Variants in RFX4 observed in about 807,000 individuals in gnomAD.
RFX4 encodes regulatory factor X4, also known as transcription factor RFX4.
A neutral mutation model predicts 95.0 loss-of-function variants in RFX4; 10 were observed. The ratio of observed to expected loss-of-function variants is 0.11; its 90% confidence interval spans 0.06 to 0.18. The LOEUF (loss-of-function observed/expected upper bound fraction) is 0.18, where lower values mean the gene tolerates loss of function less well. RFX4 is among the 10% of genes least tolerant of loss of function. RFX4 has a pLI of 1.00. For missense variants in RFX4, 640 were observed against 922.0 expected, an observed-to-expected ratio of 0.69 and a Z score of 3.96; for synonymous variants, 321 against 340.7, an observed-to-expected ratio of 0.94 and a Z score of 0.64.
intron 3 of RFX4, among the ~76,000 whole-genome samples, chr12:106,641,353 A>G (rs1256583157): frequency 2.0e-5 from 3 of 152,158 alleles, no homozygotes; most frequent in Non-Finnish European, 4.4e-5. Flanking sequence ...TGGGGATAGC[A>G]ATAGTGTCTA....
At chr12:106,662,226 G>C (rs2041089433) in intron 4 of RFX4, 2 of 391,426 alleles carry the variant, frequency 5.1e-6, no homozygotes, top group Non-Finnish European at 1.0e-5. Context: ...CCAGCATTTG[G>C]TGTTGTCAGT....
intron 3 of RFX4, among the ~76,000 whole-genome samples, chr12:106,650,658 G>T (rs1250751945): frequency 6.6e-6 from 1 of 152,090 alleles, no homozygotes; most frequent in Non-Finnish European, 1.5e-5. Flanking sequence ...AACCGGGGAG[G>T]CGGAGGTTGC....
At chr12:106,647,732 T>G (rs1315006249) in intron 3 of RFX4, among the ~76,000 whole-genome samples, 1 of 152,188 alleles carries the variant, frequency 6.6e-6, no homozygotes, top group Non-Finnish European at 1.5e-5. Flanking sequence ...TCCACAATAT[T>G]GTAAAATAAT....
Position 106,756,243 on chromosome 12 carries a change from A to G in RFX4, c.1936-4954A>G, listed in dbSNP as rs114040287. 1.1e-3 allele frequency among the ~76,000 whole-genome samples: 161 copies of G among 152,320 alleles called. 1 individual carries two copies. The highest frequency in any genetic ancestry group is 3.5e-3 in the African/African-American group (147 of 41,574). On this transcript the variant is annotated intron_variant, in intron 17 of 17. Transcript: ENST00000392842. ...TCCAGGTTCCCCATTCCCAGGCCCA[A>G]CCAAAAGGAGAAAATAAACCAGACC...
chr12:106,648,627 T>G (rs7954033), intron 3 of RFX4, among the ~76,000 whole-genome samples: 4,456 of 107,068 alleles, frequency 0.042, 167 homozygotes, highest in African/African-American at 0.12. Flanking sequence ...TCCTGTGGGG[T>G]TTTTTTTTTT....
chr12:106,760,485 C>T (rs1431155229), intron 17 of RFX4, among the ~76,000 whole-genome samples: 2 of 152,172 alleles, frequency 1.3e-5, no homozygotes, highest in East Asian at 1.9e-4. Flanking sequence ...CTCCCCTCCC[C>T]GCCCCTCTCA....
intron 8 of RFX4, among the ~76,000 whole-genome samples, chr12:106,697,445 CTT>C (rs35656382): frequency 9.0e-5 from 13 of 145,200 alleles, no homozygotes; most frequent in Non-Finnish European, 1.1e-4. Flanking sequence ...TTTCATTTAC[CTT>C]TTTTTTTTTT....
At chr12:106,614,539 C>T (rs567271998) in intron 2 of RFX4, among the ~76,000 whole-genome samples, 43 of 144,900 alleles carry the variant, frequency 3.0e-4, no homozygotes, top group African/African-American at 9.2e-4. Flanking sequence ...GAAGGAGTAT[C>T]GCTCTATTGC....
intron 2 of RFX4, among the ~76,000 whole-genome samples, chr12:106,638,872 C>A (rs1211267089): frequency 6.6e-6 from 1 of 152,142 alleles, no homozygotes. Flanking sequence ...CATGACTGAT[C>A]ACTTCCTAAA....
intron 7 of RFX4, among the ~76,000 whole-genome samples, chr12:106,694,567 G>A (rs751861725): frequency 2.3e-4 from 35 of 152,322 alleles, no homozygotes; most frequent in Non-Finnish European, 4.3e-4. Context: ...CCACAAGAGA[G>A]ACTGTGGAAG....
At chr12:106,596,855 G>A (rs2039627484) in intron 1 of RFX4, among the ~76,000 whole-genome samples, 2 of 152,186 alleles carry the variant, frequency 1.3e-5, no homozygotes, top group Non-Finnish European at 2.9e-5. Flanking sequence ...CATAGTTAGT[G>A]CTTAATAAAT....
chr12:106,609,985 CTTG>C (rs1172412619), intron 2 of RFX4, among the ~76,000 whole-genome samples: 1 of 152,110 alleles, frequency 6.6e-6, no homozygotes, highest in African/African-American at 2.4e-5. Context: ...ATTCATTCAT[CTTG>C]TTGTCTCTAG....
At position 106,583,067 on chromosome 12, in the gene RFX4, C is replaced by T. The variant is rs1473942038; in HGVS notation, c.-254C>T. ...TACTGAGTGTCCCCTTGCTCGCTCG[C>T]TTTTTCTCTCTCCCCCTTCTCCGAG... On this transcript the variant is annotated 5_prime_UTR_variant, in exon 1 of 18. Coordinates refer to ENST00000392842, the MANE Select transcript of RFX4 (RefSeq NM_213594.3). The T allele has an allele frequency of 1.1e-5, 5 of 436,522 alleles. No homozygotes were observed. The highest frequency in any genetic ancestry group is 1.0e-4 in the African/African-American group (5 of 48,634). The allele number at this position is 436,522 out of a possible 1,614,324, so 27.0% of individuals were successfully genotyped here. A position where few individuals can be genotyped will look rare whatever the true frequency, so the allele number is the denominator to read the frequency against.
intron 3 of RFX4, 50 bp from the exon 4 acceptor site, chr12:106,654,174 TCTTG>T (rs1252285506): frequency 6.2e-7 from 1 of 1,611,912 alleles, no homozygotes; most frequent in Non-Finnish European, 8.5e-7. Flanking sequence ...AACAGACCGT[TCTTG>T]CTTGGGGAAG....
intron 1 of RFX4, among the ~76,000 whole-genome samples, chr12:106,590,824 A>G (rs1200231046): frequency 1.3e-5 from 2 of 152,046 alleles, no homozygotes; most frequent in East Asian, 1.9e-4. Context: ...GTGCATGCCT[A>G]TAGTTCCACC....
chr12:106,652,612 G>T (rs1228112156), intron 3 of RFX4, among the ~76,000 whole-genome samples: 1 of 152,182 alleles, frequency 6.6e-6, no homozygotes, highest in Non-Finnish European at 1.5e-5. Context: ...CATCCCAGAA[G>T]CGCGGGAAGT....
chr12:106,611,507 G>A lies in RFX4; in HGVS notation c.130+2624G>A, dbSNP rs144830105. Among the ~76,000 whole-genome samples the A allele has an allele frequency of 6.1e-3, 913 of 149,886 alleles. 9 individuals are homozygous for A. The highest frequency in any genetic ancestry group is 0.021 in the African/African-American group (872 of 41,004). On this transcript the variant is annotated intron_variant, in intron 2 of 17. Transcript: ENST00000392842. ...GTATCTGGTATTAGGTAAGAGTCCAGCTTTATTCTTTTTTTTTTTTTCAGA... is the reference window on the plus strand; with the variant it reads ...GTATCTGGTATTAGGTAAGAGTCCAACTTTATTCTTTTTTTTTTTTTCAGA...
intron 2 of RFX4, among the ~76,000 whole-genome samples, chr12:106,637,071 G>A (rs2040529291): frequency 6.6e-6 from 1 of 152,038 alleles, no homozygotes; most frequent in South Asian, 2.1e-4. Flanking sequence ...TGATCGGCCC[G>A]CATCATGTTA....
chr12:106,602,484 GGATTTGAAATCCAGTCA>G (rs112239086), intron 1 of RFX4, among the ~76,000 whole-genome samples: 19,335 of 152,138 alleles, frequency 0.13, 1,351 homozygotes, highest in Middle Eastern at 0.19. Flanking sequence ...GGCCAGGCTG[GGATTTGAAATCCAGTCA>G]GATTTGAGCT....
Sources: allele counts gnomAD v4.1 joint callset (sites outside exome capture counted in the v4.1 genomes callset), GRCh38; gene constraint gnomAD v4.1.1; transcripts MANE v1.5; gene names NCBI Gene and HGNC (gene_info 2026-07-23, HGNC 2026-07-21).